Variants in ATP8B1 observed in about 807,000 individuals in gnomAD.
The protein encoded by ATP8B1 is ATPase phospholipid transporting 8B1, also known as phospholipid-transporting ATPase IC.
Under a neutral mutation model 149.9 loss-of-function variants are expected in ATP8B1, and 80 were observed. The ratio of observed to expected loss-of-function variants is 0.53; its 90% confidence interval spans 0.45 to 0.64. ATP8B1 has a LOEUF of 0.64. ATP8B1 is among the 30% of genes least tolerant of loss of function. The probability of loss-of-function intolerance (pLI) is 0.00; values close to 1 mark genes in which losing one functional copy is unlikely to be tolerated. For missense variants in ATP8B1, 1,247 were observed against 1,552.6 expected (o/e 0.80, Z 3.31); for synonymous variants, 536 against 562.8 (o/e 0.95, Z 0.67).
chr18:57,686,585 T>A (rs1912261181), intron 13 of ATP8B1, among the ~76,000 whole-genome samples: 1 of 152,042 alleles, frequency 6.6e-6, no homozygotes, highest in Non-Finnish European at 1.5e-5. Flanking sequence ...CACGCCCAGG[T>A]AATTTTTGTA....
rs1050943877 is a variant in ATP8B1 at position 57,771,385 on chromosome 18, G to A, written c.-26+31613C>T. Among the ~76,000 whole-genome samples the A allele has an allele frequency of 3.9e-5, 6 of 152,232 alleles. No homozygotes were observed. The East Asian group carries it at 9.7e-4, about 25-fold the overall frequency. On this transcript the variant is annotated intron_variant, in intron 1 of 27. Transcript: ENST00000648908. ...GTCTACCTCTCTCAGCACTGGGCGT[G>A]GTGCATCTCCTATTGTTAGGCAATT... is the stretch of plus-strand genomic sequence containing the variant.
chr18:57,673,233 C>G (rs547886474), intron 16 of ATP8B1, among the ~76,000 whole-genome samples: 6 of 151,662 alleles, frequency 4.0e-5, no homozygotes, highest in African/African-American at 1.5e-4. Context: ...GATGAAAGAT[C>G]AAAAAGAGAT....
chr18:57,772,979 G>A (rs2080276080), intron 1 of ATP8B1, among the ~76,000 whole-genome samples: 1 of 152,084 alleles, frequency 6.6e-6, no homozygotes, highest in Admixed American at 6.5e-5. Flanking sequence ...GCCTGGAGCG[G>A]TGGCTCATGC....
At chr18:57,736,042 C>T (rs2079851354) in intron 1 of ATP8B1, among the ~76,000 whole-genome samples, 1 of 116,018 alleles carries the variant, frequency 8.6e-6, no homozygotes, top group African/African-American at 3.3e-5. Flanking sequence ...TCTCATTGTT[C>T]AGCTCCTGCT....
At chr18:57,706,124 C>T (rs991448372) in intron 3 of ATP8B1, among the ~76,000 whole-genome samples, 3 of 152,162 alleles carry the variant, frequency 2.0e-5, no homozygotes, top group Non-Finnish European at 4.4e-5. Context: ...ATCTCTAAAT[C>T]CATTCCAGGC....
At chr18:57,699,633 A>G (rs1354130603) in intron 6 of ATP8B1, among the ~76,000 whole-genome samples, 1 of 152,142 alleles carries the variant, frequency 6.6e-6, no homozygotes, top group Admixed American at 6.5e-5. Context: ...CTGAGGCAGG[A>G]TGCTGTGAAC....
intron 1 of ATP8B1, among the ~76,000 whole-genome samples, chr18:57,758,648 CAAAA>C (rs66725093): frequency 6.8e-4 from 72 of 105,230 alleles, no homozygotes; most frequent in African/African-American, 2.1e-3. Context: ...AACTCTGTCT[CAAAA>C]AAAAAAAAAA....
chr18:57,701,224 C>T lies in ATP8B1; in HGVS notation c.483G>A (p.Val161=). Residue 161 remains valine (V), a synonymous_variant, in exon 5 of 28, where the codon GTG becomes GTA. Coordinates refer to ENST00000648908, the MANE Select transcript of ATP8B1 (RefSeq NM_001374385.1). ...TATGAGAAATCCTCACCACATCGTC[C>T]ACCAGGTCTTTGATTGCAGTGACGC... The part of the protein sequence containing the change: ...VLGVTAIKDL[V]DDVARHKMDK... 1 of 1,614,150 alleles carries T rather than the reference C, an allele frequency of 6.2e-7. No individual in the cohort carries two copies. Among genetic ancestry groups the T allele is most frequent in the Non-Finnish European group, 8.5e-7 (1 of 1,180,004 alleles).
At chr18:57,773,539 C>T (rs750532726) in intron 1 of ATP8B1, among the ~76,000 whole-genome samples, 10 of 152,174 alleles carry the variant, frequency 6.6e-5, no homozygotes, top group African/African-American at 9.7e-5. Context: ...ACATTCTATA[C>T]GCACTTATTA....
intron 16 of ATP8B1, among the ~76,000 whole-genome samples, chr18:57,672,942 T>C (rs1911342229): frequency 1.1e-5 from 1 of 88,672 alleles, no homozygotes; most frequent in Non-Finnish European, 2.1e-5. Flanking sequence ...AACATGTATA[T>C]ACACATATAT....
intron 2 of ATP8B1, among the ~76,000 whole-genome samples, chr18:57,713,364 T>C (rs1047809535): frequency 6.6e-6 from 1 of 151,326 alleles, no homozygotes; most frequent in African/African-American, 2.4e-5. Context: ...TGGTGTCATC[T>C]CAGCTCACTG....
intron 2 of ATP8B1, among the ~76,000 whole-genome samples, chr18:57,719,969 C>A (rs1053703938): frequency 1.1e-4 from 17 of 151,908 alleles, no homozygotes; most frequent in African/African-American, 4.1e-4. Flanking sequence ...CTGGGAGGCA[C>A]CCCCCAGCAG....
intron 1 of ATP8B1, among the ~76,000 whole-genome samples, chr18:57,758,648 CAAAAA>C (rs66725093): frequency 2.8e-5 from 3 of 105,266 alleles, no homozygotes; most frequent in Non-Finnish European, 3.9e-5. Context: ...AACTCTGTCT[CAAAAA>C]AAAAAAAAAA....
intron 2 of ATP8B1, among the ~76,000 whole-genome samples, chr18:57,730,583 T>G (rs1305519240): frequency 1.3e-5 from 2 of 151,882 alleles, no homozygotes; most frequent in Admixed American, 1.3e-4. Flanking sequence ...GGAGATGAAA[T>G]AGAAAAGCCA....
chr18:57,749,943 G>A (rs2080000186), intron 1 of ATP8B1, among the ~76,000 whole-genome samples: 1 of 152,300 alleles, frequency 6.6e-6, no homozygotes, highest in African/African-American at 2.4e-5. Context: ...GAGCATTAAG[G>A]ATAAACTAGG....
chr18:57,729,850 AG>A (rs11285231), intron 2 of ATP8B1, among the ~76,000 whole-genome samples: 152,200 of 152,200 alleles, frequency 1, 76,100 homozygotes, highest in Non-Finnish European at 1. Flanking sequence ...TGTGCCCGGC[AG>A]GGAATTTCAC....
Position 57,662,412 on chromosome 18 carries a change from G to C in ATP8B1, c.2418+71C>G, listed in dbSNP as rs191982805. 1.6e-5 allele frequency: 26 copies of C among 1,578,818 alleles called. No homozygotes were observed. In the Middle Eastern group the frequency reaches 5.0e-4, roughly 30 times the overall value. ...TTAGGTTGGCAGTTAACATGTGAAA[G>C]CATCTAAAAGTGGCTCCAAATGAAC... On this transcript the variant is annotated intron_variant, in intron 21 of 27. Transcript: ENST00000648908.
rs1329061538 is a variant in ATP8B1 at position 57,647,023 on chromosome 18, T to A, written c.*1465A>T. 1 of 152,234 alleles carries A rather than the reference T, an allele frequency of 6.6e-6. No homozygotes were observed. Among genetic ancestry groups the A allele is most frequent in the Non-Finnish European group, 1.5e-5 (1 of 68,038 alleles). The allele number at this position is 152,234 out of a possible 1,614,324, so 9.4% of individuals were successfully genotyped here. On this transcript the variant is annotated 3_prime_UTR_variant, in exon 28 of 28. Transcript: ENST00000648908. ...ACACACCATTCCCCAGTCTTAGGAA[T>A]GTGGCTGCCAATAACCTTTTCTCTC...
intron 1 of ATP8B1, among the ~76,000 whole-genome samples, chr18:57,759,911 A>G (rs1391768045): frequency 1.3e-5 from 2 of 152,110 alleles, no homozygotes; most frequent in Non-Finnish European, 1.5e-5. Context: ...GTGCAAACCA[A>G]CTGCAGCTTA....
Sources: gnomAD v4.1 joint callset for allele counts (sites outside exome capture counted in the v4.1 genomes callset) on GRCh38, gnomAD v4.1.1 for gene constraint, MANE v1.5 for transcripts, NCBI Gene and HGNC (gene_info 2026-07-23, HGNC 2026-07-21) for gene names.